The following SLC24A2 variants were observed in gnomAD, a reference collection of about 807,000 sequenced individuals.
SLC24A2 encodes sodium/potassium/calcium exchanger 2.
A neutral mutation model predicts 62.0 loss-of-function variants in SLC24A2; 36 were observed. The observed-to-expected ratio is 0.58, with a 90% confidence interval of 0.44 to 0.77. The LOEUF is 0.77. Among genes scored for constraint, SLC24A2 ranks in the 30% least tolerant of loss-of-function variants. SLC24A2 has a pLI of 0.00. For synonymous variants in SLC24A2, 358 were observed against 294.0 expected, an observed-to-expected ratio of 1.22 and a Z score of -2.23; for missense variants, 846 against 817.9, an observed-to-expected ratio of 1.03 and a Z score of -0.42.
At chr9:20,253,005 C>T in the SLC24A2 span, among the ~76,000 whole-genome samples, 4 of 152,218 alleles carry the variant, frequency 2.6e-5, no homozygotes, top group Admixed American at 6.5e-5. Flanking sequence ...ACTCCAGGCT[C>T]TTCCTTTCTA....
At chr9:19,797,750 G>T in the SLC24A2 span, among the ~76,000 whole-genome samples, 2 of 152,276 alleles carry the variant, frequency 1.3e-5, no homozygotes, top group East Asian at 1.9e-4. Context: ...CTTCAGCTTT[G>T]CCTGATGTCC....
At chr9:19,747,814 G>A (rs1375631640) in intron 2 of SLC24A2, among the ~76,000 whole-genome samples, 1 of 152,144 alleles carries the variant, frequency 6.6e-6, no homozygotes, top group Non-Finnish European at 1.5e-5. Context: ...CCATGTGACA[G>A]GAAGTGACTG....
At chr9:20,075,195 G>T in the SLC24A2 span, among the ~76,000 whole-genome samples, 1 of 152,136 alleles carries the variant, frequency 6.6e-6, no homozygotes, top group African/African-American at 2.4e-5. Context: ...ATGAAATTGG[G>T]AACAGGAATA....
the SLC24A2 span, among the ~76,000 whole-genome samples, chr9:19,962,503 T>G: frequency 3.9e-5 from 6 of 152,238 alleles, no homozygotes; most frequent in Non-Finnish European, 7.3e-5. Flanking sequence ...GAGCATGGAA[T>G]GTTCTTCCAT....
chr9:19,829,765 ATGTGTG>A, the SLC24A2 span, among the ~76,000 whole-genome samples: 652 of 56,864 alleles, frequency 0.011, 16 homozygotes, highest in African/African-American at 0.024. Context: ...TTATATATAT[ATGTGTG>A]TGTGTGTGTG....
At chr9:19,856,452 AC>A in the SLC24A2 span, among the ~76,000 whole-genome samples, 1 of 151,540 alleles carries the variant, frequency 6.6e-6, no homozygotes, top group Non-Finnish European at 1.5e-5. Context: ...GAGGCTGCTG[AC>A]CTTTGGATGG....
At chr9:19,844,855 T>C in the SLC24A2 span, among the ~76,000 whole-genome samples, 2 of 152,070 alleles carry the variant, frequency 1.3e-5, no homozygotes, top group African/African-American at 4.8e-5. Context: ...TGGGTTCTCT[T>C]TTCTGTTCCA....
At chr9:19,566,056 C>T (rs1386918123) in intron 7 of SLC24A2, among the ~76,000 whole-genome samples, 3 of 152,110 alleles carry the variant, frequency 2.0e-5, no homozygotes, top group Non-Finnish European at 4.4e-5. Flanking sequence ...TAGGCATGGG[C>T]AAGGACTTCA....
the SLC24A2 span, among the ~76,000 whole-genome samples, chr9:20,127,976 A>C: frequency 6.6e-6 from 1 of 152,080 alleles, no homozygotes; most frequent in African/African-American, 2.4e-5. Flanking sequence ...CCCAAAATCA[A>C]CCAATGCCTA....
chr9:20,211,149 T>C, the SLC24A2 span, among the ~76,000 whole-genome samples: 1 of 152,096 alleles, frequency 6.6e-6, no homozygotes, highest in Admixed American at 6.5e-5. Flanking sequence ...GCATTTGCTA[T>C]CCTGATTGGT....
At chr9:20,287,549 A>G in the SLC24A2 span, among the ~76,000 whole-genome samples, 1 of 152,254 alleles carries the variant, frequency 6.6e-6, no homozygotes, top group African/African-American at 2.4e-5. Context: ...CAGAGCAAGT[A>G]TAGACTTTTC....
chr9:19,824,625 A>ATCTGGAACTAGAGGAACTAGAGAACTATT, the SLC24A2 span, among the ~76,000 whole-genome samples: 1 of 152,166 alleles, frequency 6.6e-6, no homozygotes, highest in South Asian at 2.1e-4. Flanking sequence ...TTCCTCAAGG[A>ATCTGGAACTAGAGGAACTAGAGAACTATT]TCTGGAACTA....
At chr9:20,171,152 T>A in the SLC24A2 span, among the ~76,000 whole-genome samples, 1 of 151,990 alleles carries the variant, frequency 6.6e-6, no homozygotes, top group Non-Finnish European at 1.5e-5. Context: ...ATACTCTTTT[T>A]CAGACAAACA....
At chr9:19,794,276 C>T in the SLC24A2 span, among the ~76,000 whole-genome samples, 2 of 151,616 alleles carry the variant, frequency 1.3e-5, no homozygotes, top group African/African-American at 2.4e-5. Context: ...CTTCTCTTTG[C>T]AATACCAGCT....
At chr9:19,588,648 T>C (rs1056845775) in intron 5 of SLC24A2, among the ~76,000 whole-genome samples, 9 of 152,204 alleles carry the variant, frequency 5.9e-5, no homozygotes, top group Admixed American at 5.9e-4. Flanking sequence ...TGAGTCTCTC[T>C]TCAAAGGACT....
the SLC24A2 span, among the ~76,000 whole-genome samples, chr9:20,021,403 G>T: frequency 5.3e-5 from 8 of 151,676 alleles, no homozygotes; most frequent in Non-Finnish European, 1.0e-4. Flanking sequence ...ATACATACAT[G>T]TATATAATCT....
chr9:20,026,176 G>A, the SLC24A2 span, among the ~76,000 whole-genome samples: 1 of 152,020 alleles, frequency 6.6e-6, no homozygotes, highest in Admixed American at 6.6e-5. Context: ...CTGTCTACAG[G>A]GGCCTGATTA....
chr9:19,568,583 T>C (rs1317570779), intron 7 of SLC24A2, among the ~76,000 whole-genome samples: 1 of 152,248 alleles, frequency 6.6e-6, no homozygotes, highest in Non-Finnish European at 1.5e-5. Context: ...TTATTATCCC[T>C]GTTTCACAAA....
intron 2 of SLC24A2, among the ~76,000 whole-genome samples, chr9:19,761,123 T>A (rs576363529): frequency 1.4e-3 from 214 of 152,308 alleles, no homozygotes; most frequent in Non-Finnish European, 2.1e-3. Context: ...AGTAAACATG[T>A]GTGCATGTGT....
Sources: gnomAD v4.1 joint callset for allele counts (sites outside exome capture counted in the v4.1 genomes callset) on GRCh38, gnomAD v4.1.1 for gene constraint, MANE v1.5 for transcripts, NCBI Gene and HGNC (gene_info 2026-07-23, HGNC 2026-07-21) for gene names.